GTF2F2: variants seen among roughly 807,000 people sequenced by gnomAD.
GTF2F2 encodes the protein general transcription factor IIF subunit 2.
GTF2F2 carries 23 observed loss-of-function variants against 42.2 expected under a neutral mutation model. The ratio of observed to expected loss-of-function variants is 0.55; its 90% CI spans 0.39 to 0.77. GTF2F2 has a LOEUF of 0.77. GTF2F2 is among the 30% of genes least tolerant of loss of function. The pLI is 0.00. For missense variants in GTF2F2, 261 were observed against 287.2 expected (o/e 0.91, Z 0.66); for synonymous variants, 105 against 100.8 (o/e 1.04, Z -0.25).
chr13:45,196,670 A>G (rs1042881731), intron 4 of GTF2F2, among the ~76,000 whole-genome samples: 1 of 152,202 alleles, frequency 6.6e-6, no homozygotes, highest in African/African-American at 2.4e-5. Context: ...ATAGTGATGG[A>G]GACTGTGCTA....
intron 4 of GTF2F2, among the ~76,000 whole-genome samples, chr13:45,175,631 CTTT>C (rs926469545): frequency 1.3e-5 from 2 of 151,906 alleles, no homozygotes; most frequent in Non-Finnish European, 2.9e-5. Context: ...TTCTTTTTCT[CTTT>C]TTTTTGAGAT....
chr13:45,212,509 TTTC>T (rs1873721020), intron 5 of GTF2F2, among the ~76,000 whole-genome samples: 2 of 69,070 alleles, frequency 2.9e-5, no homozygotes. Context: ...CTTTCTTTCT[TTTC>T]TTTCTTTCTC....
chr13:45,170,391 C>G (rs1157623278), intron 4 of GTF2F2, among the ~76,000 whole-genome samples: 2 of 152,292 alleles, frequency 1.3e-5, no homozygotes, highest in East Asian at 3.9e-4. Flanking sequence ...CTTTCTCCCA[C>G]TTAACATCTT....
At chr13:45,280,277 T>G (rs1877207804) in intron 7 of GTF2F2, among the ~76,000 whole-genome samples, 1 of 152,206 alleles carries the variant, frequency 6.6e-6, no homozygotes, top group South Asian at 2.1e-4. Context: ...GAATTTAATG[T>G]GTAGCCCAAA....
intron 5 of GTF2F2, among the ~76,000 whole-genome samples, chr13:45,210,870 T>C (rs1207215488): frequency 6.6e-6 from 1 of 152,204 alleles, no homozygotes; most frequent in Non-Finnish European, 1.5e-5. Flanking sequence ...ATTCTGGCCA[T>C]AGTATAAAGA....
intron 4 of GTF2F2, among the ~76,000 whole-genome samples, chr13:45,187,534 T>A (rs773336729): frequency 6.6e-6 from 1 of 152,238 alleles, no homozygotes; most frequent in Non-Finnish European, 1.5e-5. Flanking sequence ...TTCATAAATT[T>A]TTTTAGCCAT....
intron 3 of GTF2F2, 36 bp downstream of exon 3, chr13:45,149,824 T>C: frequency 6.7e-7 from 1 of 1,482,424 alleles, no homozygotes; most frequent in Non-Finnish European, 9.1e-7. Flanking sequence ...AGTTAAAACT[T>C]GAGACTATCT....
intron 3 of GTF2F2, among the ~76,000 whole-genome samples, chr13:45,151,327 A>T (rs748667767): frequency 4.3e-4 from 65 of 152,202 alleles, no homozygotes; most frequent in Non-Finnish European, 8.5e-4. Context: ...TATTAGCCCC[A>T]TTATTCTGAC....
intron 5 of GTF2F2, among the ~76,000 whole-genome samples, chr13:45,238,031 G>A (rs1229735573): frequency 2.6e-5 from 4 of 152,248 alleles, no homozygotes; most frequent in African/African-American, 7.2e-5. Flanking sequence ...TCAGCTCACC[G>A]CAACCTCTGC....
intron 4 of GTF2F2, among the ~76,000 whole-genome samples, chr13:45,171,252 G>T (rs1871585398): frequency 6.6e-6 from 1 of 151,690 alleles, no homozygotes; most frequent in East Asian, 1.9e-4. Context: ...TAACTTTTCT[G>T]TTTTTTAGTA....
At chr13:45,189,981 G>A (rs1872561161) in intron 4 of GTF2F2, among the ~76,000 whole-genome samples, 1 of 152,158 alleles carries the variant, frequency 6.6e-6, no homozygotes, top group South Asian at 2.1e-4. Context: ...CAAAAGCAAT[G>A]GCAACAAAAG....
At chr13:45,195,376 C>T (rs1250141218) in intron 4 of GTF2F2, among the ~76,000 whole-genome samples, 2 of 151,976 alleles carry the variant, frequency 1.3e-5, no homozygotes, top group South Asian at 2.1e-4. Context: ...TTGTTTCACT[C>T]GGAGCCTGCT....
chr13:45,197,461 A>G (rs1872957531), intron 4 of GTF2F2, among the ~76,000 whole-genome samples: 1 of 149,496 alleles, frequency 6.7e-6, no homozygotes, highest in Non-Finnish European at 1.5e-5. Context: ...GTGAGTGGAG[A>G]TAGCGCCACT....
chr13:45,257,850 T>G (rs958623421), intron 6 of GTF2F2, among the ~76,000 whole-genome samples: 3 of 152,306 alleles, frequency 2.0e-5, no homozygotes, highest in Non-Finnish European at 4.4e-5. Flanking sequence ...ACAGAGGGGT[T>G]GAGCGTTGTG....
At position 45,275,181 on chromosome 13, in the gene GTF2F2, A is replaced by G. The variant is rs754134299; in HGVS notation, c.630+7805A>G. Among the ~76,000 whole-genome samples, 8 of 152,216 alleles carry G rather than the reference A, an allele frequency of 5.3e-5. 1 individual carries two copies. The South Asian group carries it at 1.2e-3, about 24-fold the overall frequency. On this transcript the variant is annotated intron_variant, in intron 7 of 7. Transcript: ENST00000340473. ...TCTTTAACTTAGACATAATATTTTT[A>G]TGTTTTATCCATGTTGTGGCACACA...
chr13:45,147,548 A>G (rs1407772982), intron 2 of GTF2F2, among the ~76,000 whole-genome samples: 2 of 148,628 alleles, frequency 1.3e-5, no homozygotes, highest in Non-Finnish European at 1.5e-5. Flanking sequence ...AATCTTTGCC[A>G]TATCTCTGAT....
At chr13:45,208,423 C>T (rs1052334688) in intron 5 of GTF2F2, among the ~76,000 whole-genome samples, 5 of 152,128 alleles carry the variant, frequency 3.3e-5, no homozygotes, top group South Asian at 4.2e-4. Flanking sequence ...GTGTTTTAGC[C>T]CCATGTGATT....
chr13:45,198,398 G>A (rs1454751330), intron 4 of GTF2F2, among the ~76,000 whole-genome samples: 1 of 152,160 alleles, frequency 6.6e-6, no homozygotes, highest in Non-Finnish European at 1.5e-5. Flanking sequence ...CCTCCCGACT[G>A]GAAGATACAA....
At chr13:45,182,567 C>G (rs1046524060) in intron 4 of GTF2F2, among the ~76,000 whole-genome samples, 5 of 152,202 alleles carry the variant, frequency 3.3e-5, no homozygotes, top group African/African-American at 1.2e-4. Context: ...CAGGGCAGTA[C>G]AAGAGTTTAC....
Sources: allele counts gnomAD v4.1 joint callset (sites outside exome capture counted in the v4.1 genomes callset), GRCh38; gene constraint gnomAD v4.1.1; transcripts MANE v1.5; gene names NCBI Gene and HGNC (gene_info 2026-07-23, HGNC 2026-07-21).